BACH2: variants seen among roughly 807,000 people sequenced by gnomAD.
BACH2 encodes BACH transcriptional regulator 2.
Under a neutral mutation model 61.8 loss-of-function variants are expected in BACH2, and 5 were observed. The observed-to-expected ratio is 0.08, with a 90% CI of 0.04 to 0.17. The LOEUF (loss-of-function observed/expected upper bound fraction) is 0.17. BACH2 is among the 10% of genes least tolerant of loss of function. BACH2 has a pLI of 1.00. For missense variants in BACH2, 824 were observed against 1,091.1 expected, an observed-to-expected ratio of 0.76 and a Z score of 3.45; for synonymous variants, 446 against 440.1, an observed-to-expected ratio of 1.01 and a Z score of -0.17.
chr6:90,216,694 C>A (rs1279307963), intron 3 of BACH2, among the ~76,000 whole-genome samples: 1 of 152,216 alleles, frequency 6.6e-6, no homozygotes. Flanking sequence ...GCAGCCAGCT[C>A]ATGACGTAAA....
intron 5 of BACH2, among the ~76,000 whole-genome samples, chr6:90,061,814 C>A (rs557437235): frequency 1.5e-4 from 23 of 152,198 alleles, no homozygotes; most frequent in Non-Finnish European, 3.2e-4. Context: ...GAGGAAGATG[C>A]GGCAACAAGG....
At chr6:90,018,615 CCAAA>C (rs1778195943) in intron 5 of BACH2, among the ~76,000 whole-genome samples, 1 of 152,162 alleles carries the variant, frequency 6.6e-6, no homozygotes, top group Admixed American at 6.5e-5. Context: ...TACAGCTACT[CCAAA>C]CACTTTATAA....
At chr6:90,203,324 T>C (rs1431831919) in intron 4 of BACH2, among the ~76,000 whole-genome samples, 3 of 141,208 alleles carry the variant, frequency 2.1e-5, no homozygotes, top group Non-Finnish European at 3.0e-5. Flanking sequence ...GGTGGGAGGA[T>C]TGCTTGAGTC....
chr6:90,076,080 C>T (rs1250562403), intron 5 of BACH2, among the ~76,000 whole-genome samples: 1 of 152,108 alleles, frequency 6.6e-6, no homozygotes, highest in East Asian at 1.9e-4. Flanking sequence ...CTCTACAAGT[C>T]CCACTCTAGG....
chr6:90,260,454 T>G (rs1771120300), intron 2 of BACH2, among the ~76,000 whole-genome samples: 1 of 152,190 alleles, frequency 6.6e-6, no homozygotes, highest in Admixed American at 6.5e-5. Flanking sequence ...TTAAATTTTG[T>G]GGCCTAACAT....
At chr6:90,202,980 A>G (rs1263781476) in intron 4 of BACH2, among the ~76,000 whole-genome samples, 1 of 152,226 alleles carries the variant, frequency 6.6e-6, no homozygotes, top group East Asian at 1.9e-4. Context: ...CTATAGCATG[A>G]TAATGCAGCA....
chr6:90,166,058 T>C lies in BACH2; in HGVS notation c.-162+40511A>G, dbSNP rs1209537791. Among the ~76,000 whole-genome samples, 17 of 151,860 alleles carry C rather than the reference T, an allele frequency of 1.1e-4. No individual in the cohort carries two copies. The East Asian group carries it at 1.7e-3, about 16-fold the overall frequency. ...GGCAACAAAAGCCAAAATTGACAAATGGGATCTAATTAAACTAAAGAGCTT... is the reference window on the plus strand; with the variant it reads ...GGCAACAAAAGCCAAAATTGACAAACGGGATCTAATTAAACTAAAGAGCTT... On this transcript the variant is annotated intron_variant, in intron 4 of 8. Transcript: ENST00000257749.
intron 3 of BACH2, among the ~76,000 whole-genome samples, chr6:90,214,357 C>T (rs369920519): frequency 2.3e-4 from 33 of 144,814 alleles, no homozygotes; most frequent in Admixed American, 6.8e-4. Context: ...CTTGGCGGGG[C>T]GGGGGGAGGG....
chr6:90,034,734 C>T (rs1779178795), intron 5 of BACH2, among the ~76,000 whole-genome samples: 3 of 152,114 alleles, frequency 2.0e-5, no homozygotes, highest in Non-Finnish European at 4.4e-5. Context: ...ATGTCATCCT[C>T]AGCTATATTA....
At chr6:89,940,856 T>C (rs1773384654) in intron 7 of BACH2, among the ~76,000 whole-genome samples, 1 of 152,050 alleles carries the variant, frequency 6.6e-6, no homozygotes, top group Admixed American at 6.5e-5. Flanking sequence ...TTTACAGTTT[T>C]TTTTTTTTTT....
chr6:90,083,332 C>T (rs960066169), intron 5 of BACH2, among the ~76,000 whole-genome samples: 1 of 152,164 alleles, frequency 6.6e-6, no homozygotes, highest in Non-Finnish European at 1.5e-5. Flanking sequence ...TTTGGAGACT[C>T]ACGACTCAGA....
chr6:90,165,609 A>G (rs1486129876), intron 4 of BACH2, among the ~76,000 whole-genome samples: 1 of 152,140 alleles, frequency 6.6e-6, no homozygotes, highest in Non-Finnish European at 1.5e-5. Context: ...AGTCAATCCT[A>G]AGCCAAAAGA....
chr6:90,033,829 A>T (rs1374461293), intron 5 of BACH2, among the ~76,000 whole-genome samples: 1 of 152,176 alleles, frequency 6.6e-6, no homozygotes, highest in East Asian at 1.9e-4. Context: ...TTTTCAATAG[A>T]ACTCAAGCTG....
chr6:90,293,662 C>T (rs1772250544), intron 1 of BACH2, among the ~76,000 whole-genome samples: 1 of 152,208 alleles, frequency 6.6e-6, no homozygotes, highest in African/African-American at 2.4e-5. Context: ...TTGAAGAGCA[C>T]ATGGCTAGAG....
intron 5 of BACH2, among the ~76,000 whole-genome samples, chr6:90,041,218 G>T (rs899818711): frequency 6.6e-6 from 1 of 151,920 alleles, no homozygotes; most frequent in Non-Finnish European, 1.5e-5. Context: ...GGGACTGCTG[G>T]GCCAAATGGT....
chr6:89,926,611 A>G lies in BACH2; in HGVS notation c.*5797T>C, dbSNP rs1772373099. On this transcript the variant is annotated 3_prime_UTR_variant, in exon 9 of 9. Coordinates refer to ENST00000257749, the MANE Select transcript of BACH2 (RefSeq NM_021813.4). ...AAAATTCAGTTAACACTAGCAATTC[A>G]ATTGAGTGAAAACTTTTTTTGCACA... is the stretch of plus-strand genomic sequence containing the variant. The G allele has an allele frequency of 6.5e-6, 1 of 152,820 alleles. No individual in the cohort carries two copies. Among genetic ancestry groups the G allele is most frequent in the South Asian group, 2.1e-4 (1 of 4,836 alleles). 9.5% of individuals were successfully genotyped at this position (152,820 alleles called of 1,614,324 possible). A position where few individuals can be genotyped will look rare whatever the true frequency, so the allele number is the denominator to read the frequency against.
rs1780192360 is a variant in BACH2 at position 90,054,047 on chromosome 6, GA to G, written c.-13+34913del. 2.6e-5 allele frequency among the ~76,000 whole-genome samples: 4 copies of G among 152,354 alleles called. No individual in the cohort carries two copies. The East Asian group carries it at 7.7e-4, about 29-fold the overall frequency. Reference sequence around the variant, plus strand: ...TACAGCTCCCAGCGTGAGCGATGCAGAAGATGGGTGATTTCTGCATTTCCAA... The same window carrying G: ...TACAGCTCCCAGCGTGAGCGATGCAGAGATGGGTGATTTCTGCATTTCCAA... On this transcript the variant is annotated intron_variant, in intron 5 of 8. Coordinates refer to ENST00000257749, the MANE Select transcript of BACH2 (RefSeq NM_021813.4).
At chr6:90,049,064 G>C (rs1779917600) in intron 5 of BACH2, among the ~76,000 whole-genome samples, 1 of 152,154 alleles carries the variant, frequency 6.6e-6, no homozygotes, top group South Asian at 2.1e-4. Context: ...GCTAGTTGCA[G>C]CTATGAGGCC....
intron 4 of BACH2, among the ~76,000 whole-genome samples, chr6:90,119,855 A>T (rs1783552530): frequency 6.6e-6 from 1 of 152,352 alleles, no homozygotes; most frequent in Middle Eastern, 3.4e-3. Flanking sequence ...AAAAACGCCA[A>T]ATCTATCAAA....
Sources: allele counts gnomAD v4.1 joint callset (sites outside exome capture counted in the v4.1 genomes callset), GRCh38; gene constraint gnomAD v4.1.1; transcripts MANE v1.5; gene names NCBI Gene and HGNC (gene_info 2026-07-23, HGNC 2026-07-21).